SLC36A1: variants seen among roughly 807,000 people sequenced by gnomAD.
SLC36A1 encodes the protein proton-coupled amino acid transporter 1.
Under a neutral mutation model 47.5 loss-of-function variants are expected in SLC36A1, and 30 were observed. The ratio of observed to expected loss-of-function variants is 0.63; its 90% CI spans 0.47 to 0.86. SLC36A1 has a LOEUF of 0.86. Ranked by LOEUF, SLC36A1 falls within the 40% of genes least tolerant of loss-of-function variation. The pLI is 0.00. For missense variants in SLC36A1, 517 were observed against 606.0 expected (o/e 0.85, Z 1.54); for synonymous variants, 255 against 249.7 (o/e 1.02, Z -0.20).
chr5:151,462,564 C>T (rs541283456), intron 2 of SLC36A1, among the ~76,000 whole-genome samples: 8 of 151,886 alleles, frequency 5.3e-5, no homozygotes, highest in Non-Finnish European at 1.0e-4. Context: ...GGGGTTTCAC[C>T]ATGTTGGCCA....
the SLC36A1 span, chr5:151,531,715 G>A: frequency 6.2e-7 from 1 of 1,613,890 alleles, no homozygotes; most frequent in Non-Finnish European, 8.5e-7. The surrounding 1 kb of genome is among the most constrained non-coding windows in gnomAD (Gnocchi z 5.7). Context: ...GGCGTCCTCG[G>A]GCACCTGCAC....
the SLC36A1 span, chr5:151,529,428 G>A: frequency 6.3e-7 from 1 of 1,594,138 alleles, no homozygotes; most frequent in Non-Finnish European, 8.6e-7. Flanking sequence ...CAATGAGGCA[G>A]TTGGGCCCTC....
downstream of SLC36A1, among the ~76,000 whole-genome samples, chr5:151,495,574 G>T (rs1327290643): frequency 6.6e-6 from 1 of 152,064 alleles, no homozygotes. Flanking sequence ...ATGTTATCAT[G>T]AGTAGCTTTG....
the SLC36A1 span, chr5:151,549,619 A>C: frequency 1.3e-6 from 1 of 749,304 alleles, no homozygotes; most frequent in South Asian, 1.7e-5. Context: ...ATTGTAACTA[A>C]CTCCCCATAT....
At chr5:151,469,417 CTTG>C (rs924233355) in intron 7 of SLC36A1, 71 of 561,512 alleles carry the variant, frequency 1.3e-4, no homozygotes, top group African/African-American at 1.3e-3. Flanking sequence ...CTGGCTCTAC[CTTG>C]TTGTTGTTAG....
intron 1 of SLC36A1, among the ~76,000 whole-genome samples, chr5:151,453,584 A>T (rs1345599984): frequency 1.3e-5 from 2 of 152,142 alleles, no homozygotes; most frequent in African/African-American, 4.8e-5. Flanking sequence ...TTGAAATTGG[A>T]ATCCTGAAAC....
At chr5:151,495,710 A>G (rs1310803249), downstream of SLC36A1, among the ~76,000 whole-genome samples, 1 of 152,078 alleles carries the variant, frequency 6.6e-6, no homozygotes, top group Non-Finnish European at 1.5e-5. Context: ...GAAGCCACGA[A>G]TCTGTTCATC....
the SLC36A1 span, chr5:151,512,017 G>A: frequency 1.5e-6 from 1 of 675,486 alleles, no homozygotes; most frequent in Non-Finnish European, 2.5e-6. This position sits in a 1 kb window ranked among gnomAD's most constrained non-coding sequence, Gnocchi z 4.1. Context: ...TCTAGATATT[G>A]CAGATTCCAA....
the SLC36A1 span, among the ~76,000 whole-genome samples, chr5:151,399,772 A>G: frequency 2.1e-3 from 324 of 152,342 alleles, 2 homozygotes; most frequent in African/African-American, 7.7e-3. Context: ...GATTTGCCCA[A>G]CATTCCACAG....
the SLC36A1 span, among the ~76,000 whole-genome samples, chr5:151,379,737 T>C: frequency 1.3e-5 from 2 of 152,242 alleles, no homozygotes; most frequent in Non-Finnish European, 2.9e-5. Context: ...ACTCTTTCAA[T>C]GTGTAACAAT....
At chr5:151,534,970 A>ATATATATACATATATGT in the SLC36A1 span, among the ~76,000 whole-genome samples, 1 of 106,390 alleles carries the variant, frequency 9.4e-6, no homozygotes, top group Non-Finnish European at 2.1e-5. Context: ...CTTCTAGGAA[A>ATATATATACATATATGT]ATATATATAT....
the SLC36A1 span, among the ~76,000 whole-genome samples, chr5:151,420,990 C>T: frequency 6.6e-6 from 1 of 151,742 alleles, no homozygotes; most frequent in South Asian, 2.1e-4. Flanking sequence ...CCTGCCTCAG[C>T]CTCCCAAGTA....
the SLC36A1 span, chr5:151,544,670 G>A: frequency 6.2e-7 from 1 of 1,614,124 alleles, no homozygotes; most frequent in Non-Finnish European, 8.5e-7. Context: ...TCACTCTGGA[G>A]GGATGGCGTT....
chr5:151,386,234 G>A, the SLC36A1 span, among the ~76,000 whole-genome samples: 30,098 of 151,892 alleles, frequency 0.2, 3,290 homozygotes, highest in East Asian at 0.41. Context: ...GTCCCCTACT[G>A]GCTGTTCACC....
the SLC36A1 span, among the ~76,000 whole-genome samples, chr5:151,405,348 T>C: frequency 7.0e-6 from 1 of 142,256 alleles, no homozygotes; most frequent in East Asian, 2.0e-4. Context: ...TTTCTCTTTT[T>C]TTTTTTTTTT....
the SLC36A1 span, chr5:151,542,385 A>G: frequency 1.2e-6 from 2 of 1,614,224 alleles, no homozygotes; most frequent in South Asian, 2.2e-5. Context: ...TCTCAACCAC[A>G]GATCCTCTGT....
the SLC36A1 span, among the ~76,000 whole-genome samples, chr5:151,380,151 A>G: frequency 6.6e-6 from 1 of 152,202 alleles, no homozygotes; most frequent in Non-Finnish European, 1.5e-5. Flanking sequence ...GAAGACACAG[A>G]TTACCAATAT....
intron 1 of SLC36A1, among the ~76,000 whole-genome samples, chr5:151,438,702 C>T (rs1050828322): frequency 6.6e-6 from 1 of 152,140 alleles, no homozygotes; most frequent in Admixed American, 6.5e-5. Context: ...GACATATGCT[C>T]TGCAGGTCTC....
the SLC36A1 span, among the ~76,000 whole-genome samples, chr5:151,523,788 A>G: frequency 6.6e-6 from 1 of 152,092 alleles, no homozygotes; most frequent in African/African-American, 2.4e-5. Context: ...CTCTGCTTGG[A>G]TGTCTCACAA....
Sources: allele counts gnomAD v4.1 joint callset (sites outside exome capture counted in the v4.1 genomes callset), GRCh38; gene constraint gnomAD v4.1.1; non-coding constraint Gnocchi (gnomAD v3.1); transcripts MANE v1.5; gene names NCBI Gene and HGNC (gene_info 2026-07-23, HGNC 2026-07-21).